The following CDH13 variants were observed in gnomAD, a reference collection of about 807,000 sequenced individuals.
The protein encoded by CDH13 is cadherin-13.
A neutral mutation model predicts 63.8 loss-of-function variants in CDH13; 24 were observed. That is an observed-to-expected ratio of 0.38 (90% CI 0.27 to 0.53). CDH13 has a LOEUF of 0.53. Among genes scored for constraint, CDH13 ranks in the 20% least tolerant of loss-of-function variants. The pLI is 0.85. For missense variants in CDH13, 1,049 were observed against 903.1 expected (o/e 1.16, Z -2.07); for synonymous variants, 503 against 355.3 (o/e 1.42, Z -4.67).
chr16:82,974,022 C>T (rs1393001155), intron 2 of CDH13, among the ~76,000 whole-genome samples: 4 of 152,072 alleles, frequency 2.6e-5, no homozygotes, highest in Non-Finnish European at 4.4e-5. Context: ...CCGGTTCTAG[C>T]GATTCTCCTG....
intron 6 of CDH13, among the ~76,000 whole-genome samples, chr16:83,376,187 A>T (rs1393354902): frequency 6.6e-6 from 1 of 152,168 alleles, no homozygotes; most frequent in African/African-American, 2.4e-5. Context: ...CTCGCCCTTC[A>T]TAAAAGTATT....
At chr16:83,233,589 CT>C (rs1472376132) in intron 5 of CDH13, among the ~76,000 whole-genome samples, 3 of 152,152 alleles carry the variant, frequency 2.0e-5, no homozygotes, top group African/African-American at 7.2e-5. Context: ...CCTTTTCCAA[CT>C]TTTGGGGGCC....
At chr16:82,798,597 G>T (rs1265266481) in intron 1 of CDH13, among the ~76,000 whole-genome samples, 3 of 152,142 alleles carry the variant, frequency 2.0e-5, no homozygotes, top group African/African-American at 7.2e-5. Context: ...ATTACTCAGG[G>T]CTGTTTTTGG....
chr16:82,741,197 C>T lies in CDH13; in HGVS notation c.45+114060C>T, dbSNP rs74874011. Among the ~76,000 whole-genome samples the T allele has an allele frequency of 4.5e-4, 69 of 152,306 alleles. 4 individuals carry two copies. In the East Asian group the frequency reaches 0.012, roughly 27 times the overall value. On this transcript the variant is annotated intron_variant, in intron 1 of 13. Coordinates refer to ENST00000567109, the MANE Select transcript of CDH13 (RefSeq NM_001257.5). ...TGAATCCCTGTTGCCATTGATATAGCTCAAACCCTCGGCTAGCTTTACAAT... is the reference window on the plus strand; with the variant it reads ...TGAATCCCTGTTGCCATTGATATAGTTCAAACCCTCGGCTAGCTTTACAAT...
rs552710913 is a variant in CDH13 at position 83,786,619 on chromosome 16, ACT to A, written c.2134+3150_2134+3151del. ...ATTTATTTTTTTGAGACAGAGTCTC[ACT>A]CTGTCGCCCAGGCTGAAGTACAGTG... On this transcript the variant is annotated intron_variant, in intron 13 of 13. Transcript: ENST00000567109. 5.0e-3 allele frequency among the ~76,000 whole-genome samples: 735 copies of A among 148,380 alleles called. 3 individuals carry two copies. The highest frequency in any genetic ancestry group is 0.017 in the African/African-American group (701 of 40,088).
At chr16:83,026,929 C>T (rs1028257805) in intron 2 of CDH13, among the ~76,000 whole-genome samples, 2 of 152,132 alleles carry the variant, frequency 1.3e-5, no homozygotes, top group African/African-American at 2.4e-5. Flanking sequence ...CGGCTGAGTG[C>T]CATTCTAAAT....
chr16:83,070,364 T>C (rs1205372190), intron 3 of CDH13, among the ~76,000 whole-genome samples: 1 of 152,186 alleles, frequency 6.6e-6, no homozygotes, highest in Non-Finnish European at 1.5e-5. Context: ...ATTCATAAAG[T>C]TGGATTAAAT....
rs149306209 is a variant in CDH13 at position 82,700,262 on chromosome 16, T to G, written c.45+73125T>G. Among the ~76,000 whole-genome samples the G allele has an allele frequency of 3.1e-3, 478 of 152,314 alleles. 1 individual carries two copies. The highest frequency in any genetic ancestry group is 4.5e-3 in the Non-Finnish European group (309 of 68,026). ...GAAGGGTTTAGAATGTGCAGCAGTT[T>G]CCAAATCTACTTGACCTGGGAACCC... On this transcript the variant is annotated intron_variant, in intron 1 of 13. Coordinates refer to ENST00000567109, the MANE Select transcript of CDH13 (RefSeq NM_001257.5).
chr16:83,023,834 G>A (rs539316822), intron 2 of CDH13, among the ~76,000 whole-genome samples: 22 of 152,292 alleles, frequency 1.4e-4, no homozygotes, highest in African/African-American at 5.1e-4. Flanking sequence ...TATAATTGGT[G>A]AGAATGTAGA....
chr16:83,037,219 A>G (rs548756263), intron 3 of CDH13, among the ~76,000 whole-genome samples: 1 of 152,274 alleles, frequency 6.6e-6, no homozygotes, highest in Non-Finnish European at 1.5e-5. Context: ...TGTTTAGCCT[A>G]TGTTATTTCT....
intron 6 of CDH13, among the ~76,000 whole-genome samples, chr16:83,399,966 A>C (rs1351019997): frequency 6.6e-6 from 1 of 152,146 alleles, no homozygotes; most frequent in African/African-American, 2.4e-5. Flanking sequence ...AAAACCACCT[A>C]TGTGTTGCAA....
intron 7 of CDH13, among the ~76,000 whole-genome samples, chr16:83,593,489 T>C (rs1906956571): frequency 6.6e-6 from 1 of 151,964 alleles, no homozygotes; most frequent in Non-Finnish European, 1.5e-5. Flanking sequence ...ACCACCAAAA[T>C]TGACAACAGT....
chr16:82,961,100 C>T (rs755860200), intron 2 of CDH13, among the ~76,000 whole-genome samples: 10 of 152,182 alleles, frequency 6.6e-5, no homozygotes, highest in Non-Finnish European at 1.2e-4. Flanking sequence ...CACTGCCTCC[C>T]CACACCCCCT....
chr16:83,738,398 C>T (rs556295019), intron 10 of CDH13, among the ~76,000 whole-genome samples: 2 of 152,338 alleles, frequency 1.3e-5, no homozygotes, highest in Admixed American at 6.5e-5. Flanking sequence ...GTTAATAGTG[C>T]TTATCTCTGG....
chr16:82,811,566 G>A (rs888384365), intron 1 of CDH13, among the ~76,000 whole-genome samples: 1 of 152,132 alleles, frequency 6.6e-6, no homozygotes, highest in Non-Finnish European at 1.5e-5. Context: ...TCGTTAGAGG[G>A]TAATGAAAAT....
At chr16:83,284,300 G>T (rs2089255964) in intron 5 of CDH13, among the ~76,000 whole-genome samples, 1 of 152,134 alleles carries the variant, frequency 6.6e-6, no homozygotes, top group South Asian at 2.1e-4. Context: ...GTACTAGATG[G>T]CGCTGGACTT....
intron 2 of CDH13, among the ~76,000 whole-genome samples, chr16:82,878,184 T>C (rs9931196): frequency 0.75 from 114,105 of 151,810 alleles, 43,152 homozygotes; most frequent in East Asian, 0.88. Context: ...TCTGTGTCAC[T>C]TAGACGAAAA....
chr16:82,639,724 C>T (rs896997953), intron 1 of CDH13, among the ~76,000 whole-genome samples: 4 of 152,176 alleles, frequency 2.6e-5, no homozygotes, highest in African/African-American at 9.7e-5. Context: ...AATTTAAGTG[C>T]TTTAGTGAGG....
intron 1 of CDH13, among the ~76,000 whole-genome samples, chr16:82,840,311 C>T (rs1475993264): frequency 6.6e-6 from 1 of 150,778 alleles, no homozygotes. Context: ...ATGAAGCCAC[C>T]TTTATTGCCC....
Sources: allele counts gnomAD v4.1 joint callset (sites outside exome capture counted in the v4.1 genomes callset), GRCh38; gene constraint gnomAD v4.1.1; transcripts MANE v1.5; gene names NCBI Gene and HGNC (gene_info 2026-07-23, HGNC 2026-07-21).